AOPEP: variants seen among roughly 807,000 people sequenced by gnomAD.
AOPEP encodes the protein aminopeptidase O (putative), also known as aminopeptidase O.
In AOPEP, 77 loss-of-function variants were observed where a neutral mutation model predicts 98.1. The ratio of observed to expected loss-of-function variants is 0.78; its 90% CI spans 0.65 to 0.95. The LOEUF (loss-of-function observed/expected upper bound fraction) is 0.95, where lower values mean the gene tolerates loss of function less well. AOPEP is among the 40% of genes least tolerant of loss of function. The pLI is 0.00. For missense variants in AOPEP, 1,024 were observed against 1,024.7 expected (o/e 1.00, Z 0.01); for synonymous variants, 346 against 365.3 (o/e 0.95, Z 0.60).
chr9:94,987,542 G>A (rs765798811), intron 11 of AOPEP, among the ~76,000 whole-genome samples: 44 of 152,214 alleles, frequency 2.9e-4, no homozygotes, highest in Admixed American at 1.8e-3. Flanking sequence ...TCAAGGTGGC[G>A]TCCTCAGCTG....
chr9:94,941,516 C>T (rs1295593191), intron 7 of AOPEP, among the ~76,000 whole-genome samples: 1 of 152,210 alleles, frequency 6.6e-6, no homozygotes, highest in African/African-American at 2.4e-5. Context: ...TTAGAGCTCT[C>T]AGCTAGCCAG....
At chr9:95,098,988 A>C in the AOPEP span, 2 of 175,296 alleles carry the variant, frequency 1.1e-5, no homozygotes, top group East Asian at 2.0e-4. Context: ...CGAAGCTTCC[A>C]CTGTCTGGGG....
intron 5 of AOPEP, among the ~76,000 whole-genome samples, chr9:94,828,237 T>C (rs147244397): frequency 6.6e-6 from 1 of 152,350 alleles, no homozygotes; most frequent in East Asian, 1.9e-4. Flanking sequence ...TTATCTACTT[T>C]GTTCTTTAGT....
At chr9:94,755,575 TC>T in intron 1 of AOPEP, among the ~76,000 whole-genome samples, 1 of 152,362 alleles carries the variant, frequency 6.6e-6, no homozygotes, top group Non-Finnish European at 1.5e-5. Flanking sequence ...TTAAAAGTTC[TC>T]CTTTGCCCCC....
intron 5 of AOPEP, among the ~76,000 whole-genome samples, chr9:94,850,252 CAT>C (rs781672914): frequency 4.7e-3 from 62 of 13,140 alleles, no homozygotes; most frequent in Non-Finnish European, 6.9e-3. Context: ...AAGAAGAAGA[CAT>C]AGATTTTAAA....
intron 5 of AOPEP, among the ~76,000 whole-genome samples, chr9:94,897,910 G>T (rs1004704173): frequency 6.6e-6 from 1 of 151,104 alleles, no homozygotes; most frequent in East Asian, 2.0e-4. Context: ...CACTATCTCG[G>T]CTCACTGCAA....
At chr9:94,863,365 C>G (rs913235271) in intron 5 of AOPEP, among the ~76,000 whole-genome samples, 3 of 149,038 alleles carry the variant, frequency 2.0e-5, no homozygotes, top group African/African-American at 7.4e-5. Context: ...ACTGCCAGCT[C>G]TGCCTCCTGG....
chr9:95,052,677 C>G (rs1227384086), intron 13 of AOPEP, among the ~76,000 whole-genome samples: 1 of 152,028 alleles, frequency 6.6e-6, no homozygotes, highest in Non-Finnish European at 1.5e-5. Context: ...CTACACAGAC[C>G]ATCTGATTGT....
chr9:95,013,490 C>A (rs960319001), intron 13 of AOPEP, among the ~76,000 whole-genome samples: 1 of 151,516 alleles, frequency 6.6e-6, no homozygotes, highest in Non-Finnish European at 1.5e-5. Context: ...CTCATTATTC[C>A]CTTCTTGATG....
intron 4 of AOPEP, among the ~76,000 whole-genome samples, chr9:94,799,092 A>C (rs1411575249): frequency 2.0e-5 from 3 of 152,218 alleles, no homozygotes; most frequent in African/African-American, 7.2e-5. Flanking sequence ...TGCTGCTAGA[A>C]GGTGAGGCTT....
chr9:95,006,350 C>T (rs770537819), intron 13 of AOPEP: 5 of 325,128 alleles, frequency 1.5e-5, no homozygotes, highest in Admixed American at 4.0e-5. Context: ...ATTCTTGATA[C>T]CAGCAAGGGA....
At chr9:94,738,600 G>A (rs1447352546) in intron 1 of AOPEP, among the ~76,000 whole-genome samples, 1 of 152,034 alleles carries the variant, frequency 6.6e-6, no homozygotes, top group Non-Finnish European at 1.5e-5. Context: ...TTGAGATGGA[G>A]TCTCGCTCTG....
intron 2 of AOPEP, chr9:94,763,343 G>C (rs1167168071): frequency 4.2e-6 from 1 of 236,382 alleles, no homozygotes; most frequent in Non-Finnish European, 8.9e-6. Context: ...TTTCTTTTAA[G>C]TTCCATTAGT....
the AOPEP span, chr9:95,099,517 G>A: frequency 8.7e-6 from 2 of 229,466 alleles, no homozygotes; most frequent in African/African-American, 4.5e-5. Flanking sequence ...CAACAAGAGG[G>A]GGAGGTGGGC....
At chr9:94,797,386 G>A (rs1847209566) in intron 4 of AOPEP, among the ~76,000 whole-genome samples, 1 of 149,278 alleles carries the variant, frequency 6.7e-6, no homozygotes, top group East Asian at 2.0e-4. Context: ...AGCCGAGATT[G>A]CACCACTGCA....
chr9:94,889,758 TA>T (rs1205523868), intron 5 of AOPEP, among the ~76,000 whole-genome samples: 2 of 152,234 alleles, frequency 1.3e-5, no homozygotes, highest in African/African-American at 4.8e-5. Context: ...AGTTTAAAAC[TA>T]TTTCTCAAAG....
At chr9:94,729,248 T>C (rs2131620874) in intron 1 of AOPEP, among the ~76,000 whole-genome samples, 1 of 151,540 alleles carries the variant, frequency 6.6e-6, no homozygotes, top group Middle Eastern at 3.4e-3. Context: ...GTTCCAAGAG[T>C]GTTTGAAGAA....
intron 5 of AOPEP, among the ~76,000 whole-genome samples, chr9:94,832,697 A>G (rs1039273804): frequency 1.7e-4 from 26 of 152,198 alleles, no homozygotes; most frequent in Non-Finnish European, 3.7e-4. Flanking sequence ...ATGAATGTTC[A>G]CTATCTCTAA....
In AOPEP at chr9:94,930,601, A is replaced by AT. The variant is rs1351071694; in HGVS notation, c.1661+2072dup. On this transcript the variant is annotated intron_variant, in intron 7 of 16. Coordinates refer to ENST00000375315, the MANE Select transcript of AOPEP (RefSeq NM_001193329.3). The surrounding 1 kb of genome is among the most constrained non-coding windows in gnomAD (Gnocchi z 4.5). ...GCCAACAGAGGACTCTGGGGAAACCATTATGTGTTTCCCCAGAGAAAACCA... is the reference window on the plus strand; with the variant it reads ...GCCAACAGAGGACTCTGGGGAAACCATTTATGTGTTTCCCCAGAGAAAACCA... Among the ~76,000 whole-genome samples, 1 of 152,056 alleles carries AT rather than the reference A, an allele frequency of 6.6e-6. No individual in the cohort carries two copies. Among genetic ancestry groups the AT allele is most frequent in the Non-Finnish European group, 1.5e-5 (1 of 68,012 alleles).
Sources: allele counts gnomAD v4.1 joint callset (sites outside exome capture counted in the v4.1 genomes callset), GRCh38; gene constraint gnomAD v4.1.1; non-coding constraint Gnocchi (gnomAD v3.1); transcripts MANE v1.5; gene names NCBI Gene and HGNC (gene_info 2026-07-23, HGNC 2026-07-21).